MUC5AC: variants seen among roughly 807,000 people sequenced by gnomAD.
MUC5AC encodes the protein mucin-5AC.
Under a neutral mutation model 169.7 loss-of-function variants are expected in MUC5AC, and 158 were observed. The observed-to-expected ratio is 0.93, with a 90% CI of 0.82 to 1.06. MUC5AC has a LOEUF of 1.06. Ranked by LOEUF, MUC5AC falls within the 50% of genes least tolerant of loss-of-function variation. MUC5AC has a pLI of 0.00. For missense variants in MUC5AC, 4,359 were observed against 3,089.9 expected (o/e 1.41, Z -9.74); for synonymous variants, 1,975 against 1,237.0 (o/e 1.60, Z -12.52).
At chr11:1,198,331 C>T (rs1170937991) in intron 43 of MUC5AC, 26 bp downstream of exon 43, 1 of 738,984 alleles carries the variant, frequency 1.4e-6, no homozygotes, top group South Asian at 1.4e-5. Flanking sequence ...CTCAGACCCC[C>T]TCAGCCATAG....
intron 30 of MUC5AC, 45 bp downstream of exon 30, chr11:1,181,504 A>T (rs1860814569): frequency 7.7e-6 from 2 of 259,408 alleles, no homozygotes; most frequent in African/African-American, 5.6e-5. Flanking sequence ...GCCCCCTCCC[A>T]CTGCCTGGCA....
At chr11:1,194,437 C>T (rs183308551) in intron 34 of MUC5AC, 50 bp from the exon 35 acceptor site, 9 of 713,612 alleles carry the variant, frequency 1.3e-5, no homozygotes, top group East Asian at 5.2e-5. Context: ...AGCGGCTGAC[C>T]GCCCGCCCGC....
Position 1,187,235 on chromosome 11 carries a change from T to A in MUC5AC, c.9090T>A (p.Ser3030=). 1.4e-6 allele frequency: 1 copy of A among 698,954 alleles called. No individual in the cohort carries two copies. Among genetic ancestry groups the A allele is most frequent in the Non-Finnish European group, 2.6e-6 (1 of 384,346 alleles). 43.3% of individuals were successfully genotyped at this position (698,954 alleles called of 1,614,324 possible). Residue 3030 remains serine (S), a synonymous_variant, in exon 31 of 49, where the codon TCT becomes TCA. Coordinates refer to ENST00000621226, the MANE Select transcript of MUC5AC (RefSeq NM_001304359.2). ...TTLAPTTSTT[S]APTTSTTSTP... is the part of the protein sequence containing the mutation. Reference sequence around the variant, plus strand: ...TAGCTCCTACAACCAGCACAACCTCTGCCCCTACAACCAGCACAACCTCTA... The same window carrying A: ...TAGCTCCTACAACCAGCACAACCTCAGCCCCTACAACCAGCACAACCTCTA...
Position 1,187,255 on chromosome 11 carries a change from C to A in MUC5AC, c.9110C>A (p.Thr3037Asn), listed in dbSNP as rs1217932295. 7.2e-4 allele frequency: 501 copies of A among 695,568 alleles called. 2 individuals carry two copies. The African/African-American group carries it at 8.5e-3, about 12-fold the overall frequency. The allele number at this position is 695,568 out of a possible 1,614,324, so 43.1% of individuals were successfully genotyped here. ...ACCTCTGCCCCTACAACCAGCACAA[C>A]CTCTACCCCTACAAGCAGCACAACC... is the stretch of plus-strand genomic sequence containing the variant. ...STTSAPTTSTTSTPTSSTTSS... is the reference protein window; with the variant it reads ...STTSAPTTSTNSTPTSSTTSS... The change falls in exon 31 of 49, where the codon ACC becomes AAC. Residue 3037 changes from threonine (T) to asparagine (N), a missense_variant. Transcript: ENST00000621226.
intron 25 of MUC5AC, 105 bp downstream of exon 25, chr11:1,178,788 A>G: frequency 3.5e-6 from 2 of 566,144 alleles, no homozygotes; most frequent in East Asian, 3.5e-5. Flanking sequence ...GCTGCCAACC[A>G]AGGGTGTGGG....
At position 1,188,582 on chromosome 11, in the gene MUC5AC, C is replaced by T. The variant is rs1461680873; in HGVS notation, c.10437C>T (p.Thr3479=). The change falls in exon 31 of 49, where the codon ACC becomes ACT. Residue 3479 remains threonine, a synonymous_variant. Transcript: ENST00000621226. ...SKTSAATSST[T]SGSGTTPSPV... ...CCTCAGCTGCTACAAGCAGCACAACCTCCGGTTCTGGAACTACTCCCAGCC... is the reference window on the plus strand; with the variant it reads ...CCTCAGCTGCTACAAGCAGCACAACTTCCGGTTCTGGAACTACTCCCAGCC... The T allele has an allele frequency of 1.3e-6, 1 of 764,232 alleles. No homozygotes were observed. Among genetic ancestry groups the T allele is most frequent in the Non-Finnish European group, 2.4e-6 (1 of 417,492 alleles). The allele number at this position is 764,232 out of a possible 1,614,324, so 47.3% of individuals were successfully genotyped here. A position where few individuals can be genotyped will look rare whatever the true frequency, so the allele number is the denominator to read the frequency against.
chr11:1,160,706 G>A lies in MUC5AC; in HGVS notation c.151+17G>A, dbSNP rs751907076. ...GGCCCAGCGGTGAGTCTGAGTGTCC[G>A]GCCCCCACCCTAAGCCTGTCAGATT... On this transcript the variant is annotated intron_variant, in intron 2 of 48. Coordinates refer to ENST00000621226, the MANE Select transcript of MUC5AC (RefSeq NM_001304359.2). The A allele has an allele frequency of 1.2e-5, 19 of 1,602,684 alleles. No individual in the cohort carries two copies. The Admixed American group carries it at 1.5e-4, about 13-fold the overall frequency.
At chr11:1,175,409 GT>G (rs1229643957) in intron 19 of MUC5AC, 139 bp downstream of exon 19, 1 of 394,780 alleles carries the variant, frequency 2.5e-6, no homozygotes, top group Non-Finnish European at 4.4e-6. Context: ...GTCAGGCATG[GT>G]TTGTGCCCTC....
chr11:1,162,315 C>A, intron 4 of MUC5AC, 147 bp downstream of exon 4: 1 of 1,317,920 alleles, frequency 7.6e-7, no homozygotes, highest in Non-Finnish European at 1.0e-6. Flanking sequence ...TCCCTCGTCC[C>A]CCGAGTGGCC....
chr11:1,171,262 CCACT>C (rs1216676144), intron 15 of MUC5AC, among the ~76,000 whole-genome samples: 8 of 81,760 alleles, frequency 9.8e-5, no homozygotes, highest in South Asian at 3.4e-4. Context: ...ATCCACTCAC[CCACT>C]CACTCACCCA....
At chr11:1,194,447 C>G (rs761990659) in intron 34 of MUC5AC, 40 bp from the exon 35 acceptor site, 1 of 724,808 alleles carries the variant, frequency 1.4e-6, no homozygotes, top group South Asian at 1.4e-5. Context: ...CGCCCGCCCG[C>G]CTGCCTTCTG....
chr11:1,181,384 G>C lies in MUC5AC; in HGVS notation c.3934G>C (p.Glu1312Gln). 2.5e-6 allele frequency: 1 copy of C among 398,698 alleles called. No homozygotes were observed. The highest frequency in any genetic ancestry group is 4.4e-6 in the Non-Finnish European group (1 of 226,138). The allele number at this position is 398,698 out of a possible 1,614,324, so 24.7% of individuals were successfully genotyped here. ...CCGCTGCGGGGCCAACGGCACCATT[G>C]AGAGGAGGGTCTACCCCTGCAGCCC... ...SARCGANGTIERRVYPCSPTT... is the reference protein window; with the variant it reads ...SARCGANGTIQRRVYPCSPTT... Residue 1312 changes from glutamate (E) to glutamine (Q), a missense_variant, in exon 30 of 49, where the codon GAG (glutamate) becomes CAG (glutamine). By Grantham distance (29) the Glu-to-Gln change is conservative. Transcript: ENST00000621226.
rs1453218660 is a variant in MUC5AC at position 1,161,516 on chromosome 11, T to C, written c.152-11T>C. ...GCCGTGCGTGAATCCTACCAGCCCC[T>C]GTCTCCGCAGGGGTCCCGCTCCGTG... is the stretch of plus-strand genomic sequence containing the variant. On this transcript the variant is annotated splice_polypyrimidine_tract_variant and intron_variant, in intron 2 of 48. Coordinates refer to ENST00000621226, the MANE Select transcript of MUC5AC (RefSeq NM_001304359.2). The C allele has an allele frequency of 6.3e-7, 1 of 1,587,148 alleles. No homozygotes were observed. The highest frequency in any genetic ancestry group is 2.3e-5 in the East Asian group (1 of 44,132).
chr11:1,170,410 T>C (rs1406263869), intron 15 of MUC5AC, among the ~76,000 whole-genome samples: 341 of 44,356 alleles, frequency 7.7e-3, no homozygotes, highest in Middle Eastern at 0.053. Flanking sequence ...CCCACTCACC[T>C]ACTCACCCAC....
At chr11:1,200,223 T>C (rs1008820442) in intron 48 of MUC5AC, among the ~76,000 whole-genome samples, 12 of 152,100 alleles carry the variant, frequency 7.9e-5, no homozygotes, top group Non-Finnish European at 1.2e-4. Flanking sequence ...CCGCCCCGAG[T>C]CTCCCTCCCT....
At position 1,165,404 on chromosome 11, in the gene MUC5AC, C is replaced by T; in HGVS notation, c.1232C>T (p.Thr411Ile). The T allele has an allele frequency of 6.2e-7, 1 of 1,611,196 alleles. No homozygotes were observed. Among genetic ancestry groups the T allele is most frequent in the Non-Finnish European group, 8.5e-7 (1 of 1,179,364 alleles). The change falls in exon 10 of 49, where the codon ACA (threonine) becomes ATA (isoleucine). Residue 411 changes from threonine to isoleucine, a missense_variant. Physicochemically the swap from Thr to Ile is moderately conservative, Grantham distance 89. Transcript: ENST00000621226. ...TATGCCCCAGGGGCCACCTACTCCACAGACTGCACCAACTGGTAGGTCCCA... is the reference window on the plus strand; with the variant it reads ...TATGCCCCAGGGGCCACCTACTCCATAGACTGCACCAACTGGTAGGTCCCA... ...AAYAPGATYS[T>I]DCTNCTCSGG...
At position 1,173,912 on chromosome 11, in the gene MUC5AC, CACTT is replaced by C. The variant is rs1272322804; in HGVS notation, c.1966-580_1966-577del. On this transcript the variant is annotated intron_variant, in intron 16 of 48. Coordinates refer to ENST00000621226, the MANE Select transcript of MUC5AC (RefSeq NM_001304359.2). ...CTCATCCACTCATTACTCATCCACT[CACTT>C]ACTCATCCACTCACTGATTCCCTCA... Among the ~76,000 whole-genome samples the C allele has an allele frequency of 7.9e-4, 120 of 151,258 alleles. 1 individual carries two copies. The highest frequency in any genetic ancestry group is 1.3e-3 in the Non-Finnish European group (89 of 67,748).
intron 11 of MUC5AC, 26 bp downstream of exon 11, chr11:1,165,786 C>T (rs1362553910): frequency 6.8e-6 from 11 of 1,609,866 alleles, no homozygotes; most frequent in South Asian, 2.2e-5. Context: ...CTGGGGTGCT[C>T]GCCGGACAGA....
rs748350806 is a variant in MUC5AC at position 1,196,005 on chromosome 11, G to A, written c.15588G>A (p.Ala5196=). 29 of 764,796 alleles carry A rather than the reference G, an allele frequency of 3.8e-5. No individual in the cohort carries two copies. The highest frequency in any genetic ancestry group is 8.5e-5 in the African/African-American group (5 of 59,142). 47.4% of individuals were successfully genotyped at this position (764,796 alleles called of 1,614,324 possible). ...TGGAGCTGTACGCGGCACTCTGTGC[G>A]TCCCACGACATCTGCATCGATTGGA... is the stretch of plus-strand genomic sequence containing the variant. ...SSLELYAALC[A]SHDICIDWRG... is the part of the protein sequence containing the mutation. The change falls in exon 37 of 49, where the codon GCG becomes GCA. Residue 5196 remains alanine (A), a synonymous_variant. Transcript: ENST00000621226.
Sources: allele counts gnomAD v4.1 joint callset (sites outside exome capture counted in the v4.1 genomes callset), GRCh38; gene constraint gnomAD v4.1.1; transcripts MANE v1.5; gene names NCBI Gene and HGNC (gene_info 2026-07-23, HGNC 2026-07-21).